PTPRT: variants seen among roughly 807,000 people sequenced by gnomAD.
The protein encoded by PTPRT is receptor-type tyrosine-protein phosphatase T.
A neutral mutation model predicts 176.8 loss-of-function variants in PTPRT; 56 were observed. The ratio of observed to expected loss-of-function variants is 0.32; its 90% CI spans 0.26 to 0.40. PTPRT has a LOEUF of 0.40. PTPRT is among the 10% of genes least tolerant of loss of function. PTPRT has a pLI of 1.00. For synonymous variants in PTPRT, 783 were observed against 739.0 expected (o/e 1.06, Z -0.96); for missense variants, 1,540 against 1,908.2 (o/e 0.81, Z 3.60).
intron 1 of PTPRT, among the ~76,000 whole-genome samples, chr20:43,016,552 C>CTTTTTTTTTTTTTTTTTTTTTTTTT (rs11482189): frequency 1.3e-5 from 1 of 76,220 alleles, no homozygotes; most frequent in African/African-American, 7.0e-5. Context: ...TCTAAGGCCA[C>CTTTTTTTTTTTTTTTTTTTTTTTTT]TTTTTTTTTT....
rs58932390 is a variant in PTPRT, at chr20:42,409,481, C to CAAAAAAAAAAA, written c.1560+38728_1560+38738dup. ...TGGGCAACAGAACGAGACTCTGTCGCAAAAAAAAAAAAAAAAAAAAAAAAA... is the reference window on the plus strand; with the variant it reads ...TGGGCAACAGAACGAGACTCTGTCGCAAAAAAAAAAAAAAAAAAAAAAAAAAAAAAAAAAAA... On this transcript the variant is annotated intron_variant, in intron 9 of 30. Coordinates refer to ENST00000373187, the MANE Select transcript of PTPRT (RefSeq NM_007050.6). Among the ~76,000 whole-genome samples, 15 of 112,164 alleles carry CAAAAAAAAAAA rather than the reference C, an allele frequency of 1.3e-4. 1 individual carries two copies. The highest frequency in any genetic ancestry group is 2.0e-4 in the Non-Finnish European group (11 of 55,870). 73.6% of individuals were successfully genotyped at this position (112,164 alleles called of 152,430 possible).
At chr20:42,204,819 C>T (rs1237326012) in intron 15 of PTPRT, among the ~76,000 whole-genome samples, 1 of 152,070 alleles carries the variant, frequency 6.6e-6, no homozygotes, top group African/African-American at 2.4e-5. Flanking sequence ...GTGTGGAAAT[C>T]ATGCTACGAG....
chr20:43,124,271 C>A (rs1207081071), intron 1 of PTPRT, among the ~76,000 whole-genome samples: 3 of 152,312 alleles, frequency 2.0e-5, no homozygotes, highest in African/African-American at 4.8e-5. Flanking sequence ...TATGAGCTAA[C>A]AGAGTAATTC....
At chr20:43,118,151 T>C (rs868620356) in intron 1 of PTPRT, among the ~76,000 whole-genome samples, 33 of 152,200 alleles carry the variant, frequency 2.2e-4, no homozygotes, top group African/African-American at 8.0e-4. Context: ...CAGCTGTATG[T>C]AAACAAATGA....
At chr20:42,696,576 C>T (rs1217201337) in intron 6 of PTPRT, among the ~76,000 whole-genome samples, 1 of 151,946 alleles carries the variant, frequency 6.6e-6, no homozygotes, top group African/African-American at 2.4e-5. Context: ...CTGCCTCAGC[C>T]TCCCAAGTAG....
intron 9 of PTPRT, among the ~76,000 whole-genome samples, chr20:42,414,442 T>C (rs2059046413): frequency 6.6e-6 from 1 of 152,218 alleles, no homozygotes; most frequent in Non-Finnish European, 1.5e-5. Flanking sequence ...ATAAAAGGTA[T>C]GCCTGTTTTT....
chr20:42,474,632 A>G lies in PTPRT; in HGVS notation c.1154-2070T>C, dbSNP rs62204910. Among the ~76,000 whole-genome samples, 1,205 of 152,264 alleles carry G rather than the reference A, an allele frequency of 7.9e-3. 11 individuals are homozygous for G. The highest frequency in any genetic ancestry group is 0.014 in the Middle Eastern group (4 of 294). On this transcript the variant is annotated intron_variant, in intron 7 of 30. Transcript: ENST00000373187. ...TTGCTGAGGGCCTATTGTGGAATGG[A>G]AGGTGAAATGTGGTCCCTGTAGCTG...
Position 42,821,775 on chromosome 20 carries a change from G to A in PTPRT, c.215-30309C>T, listed in dbSNP as rs150860385. Among the ~76,000 whole-genome samples, 219 of 152,060 alleles carry A rather than the reference G, an allele frequency of 1.4e-3. 2 individuals carry two copies. Among genetic ancestry groups the A allele is most frequent in the African/African-American group, 5.1e-3 (210 of 41,510 alleles). On this transcript the variant is annotated intron_variant, in intron 2 of 30. Transcript: ENST00000373187. Reference sequence around the variant, plus strand: ...ATTCCTTTACACTGACAATAGGCAAGCAGAGAGCCAAATCATGAATGAACT... The same window carrying A: ...ATTCCTTTACACTGACAATAGGCAAACAGAGAGCCAAATCATGAATGAACT...
chr20:42,432,369 G>GT (rs2059222558), intron 9 of PTPRT, among the ~76,000 whole-genome samples: 1 of 152,174 alleles, frequency 6.6e-6, no homozygotes, highest in African/African-American at 2.4e-5. Flanking sequence ...ACCACTGCTT[G>GT]TTTTCACTTC....
chr20:42,039,471 TCTC>T, the PTPRT span, among the ~76,000 whole-genome samples: 6 of 152,062 alleles, frequency 3.9e-5, no homozygotes, highest in African/African-American at 1.2e-4. Flanking sequence ...TTGACTGACA[TCTC>T]CTCAGTCCTC....
intron 1 of PTPRT, among the ~76,000 whole-genome samples, chr20:43,184,025 G>A (rs930842157): frequency 3.3e-5 from 5 of 152,178 alleles, no homozygotes; most frequent in African/African-American, 1.2e-4. Flanking sequence ...CCTAGAAGTG[G>A]AATTGCTGGA....
In PTPRT at chr20:42,633,984, AT is replaced by A. The variant is rs1201782246; in HGVS notation, c.1153+43881del. 2.0e-3 allele frequency among the ~76,000 whole-genome samples: 67 copies of A among 33,138 alleles called. 2 individuals are homozygous for A. The highest frequency in any genetic ancestry group is 6.8e-3 in the African/African-American group (61 of 8,936). 21.7% of individuals were successfully genotyped at this position (33,138 alleles called of 152,430 possible). On this transcript the variant is annotated intron_variant, in intron 7 of 30. Transcript: ENST00000373187. Reference sequence around the variant, plus strand: ...TATAATATATTATAATATATTATATATTATATTATATATATTATATATATAT... The same window carrying A: ...TATAATATATTATAATATATTATATATATATTATATATATTATATATATAT...
At chr20:43,023,485 G>C (rs2146181553) in intron 1 of PTPRT, among the ~76,000 whole-genome samples, 1 of 152,280 alleles carries the variant, frequency 6.6e-6, no homozygotes, top group African/African-American at 2.4e-5. Flanking sequence ...AAGATTTCCT[G>C]CTCACACAAG....
chr20:42,996,347 C>T (rs1438940526), intron 1 of PTPRT, among the ~76,000 whole-genome samples: 15 of 152,126 alleles, frequency 9.9e-5, no homozygotes, highest in African/African-American at 2.4e-4. Context: ...TTGGCCAATA[C>T]CCTGCAGCGA....
intron 8 of PTPRT, among the ~76,000 whole-genome samples, chr20:42,454,819 C>A (rs1459844605): frequency 6.6e-6 from 1 of 152,196 alleles, no homozygotes; most frequent in Non-Finnish European, 1.5e-5. Context: ...GTAGCAGACA[C>A]TGTTGATGGC....
chr20:42,595,962 G>A (rs13044329), intron 7 of PTPRT, among the ~76,000 whole-genome samples: 18,295 of 152,094 alleles, frequency 0.12, 1,271 homozygotes, highest in Non-Finnish European at 0.16. Context: ...AAAACCATAG[G>A]TCTTCCTGGT....
At chr20:42,184,518 C>T (rs536661744) in intron 16 of PTPRT, among the ~76,000 whole-genome samples, 1,525 of 54,322 alleles carry the variant, frequency 0.028, 37 homozygotes, top group African/African-American at 0.038. Context: ...TCCTCCTCCT[C>T]CTTCTTCTTC....
At chr20:42,213,063 T>C (rs917453026) in intron 15 of PTPRT, among the ~76,000 whole-genome samples, 4 of 152,180 alleles carry the variant, frequency 2.6e-5, no homozygotes, top group African/African-American at 9.7e-5. Flanking sequence ...GCACCACCGA[T>C]GCGGAACAGC....
At chr20:42,545,058 A>G (rs2072650866) in intron 7 of PTPRT, among the ~76,000 whole-genome samples, 1 of 152,178 alleles carries the variant, frequency 6.6e-6, no homozygotes, top group African/African-American at 2.4e-5. Context: ...CCAGACACCA[A>G]GCCAAGTGCC....
Sources: gnomAD v4.1 joint callset for allele counts (sites outside exome capture counted in the v4.1 genomes callset) on GRCh38, gnomAD v4.1.1 for gene constraint, MANE v1.5 for transcripts, NCBI Gene and HGNC (gene_info 2026-07-23, HGNC 2026-07-21) for gene names.